CSMD1: variants seen among roughly 807,000 people sequenced by gnomAD.
CSMD1 encodes CUB and Sushi multiple domains 1, also known as CUB and sushi domain-containing protein 1.
Under a neutral mutation model 417.5 loss-of-function variants are expected in CSMD1, and 213 were observed. The ratio of observed to expected loss-of-function variants is 0.51; its 90% CI spans 0.46 to 0.57. CSMD1 has a LOEUF of 0.57. Among genes scored for constraint, CSMD1 ranks in the 20% least tolerant of loss-of-function variants. CSMD1 has a pLI of 0.00. For synonymous variants in CSMD1, 2,862 were observed against 1,736.8 expected (o/e 1.65, Z -16.11); for missense variants, 6,923 against 4,529.7 (o/e 1.53, Z -15.17).
chr8:3,304,922 TAA>T (rs1228630062), intron 25 of CSMD1, among the ~76,000 whole-genome samples: 1 of 152,126 alleles, frequency 6.6e-6, no homozygotes, highest in African/African-American at 2.4e-5. Context: ...TATTTTTATA[TAA>T]AGTCATTCCA....
intron 52 of CSMD1, among the ~76,000 whole-genome samples, chr8:3,016,780 G>T (rs1050131293): frequency 8.5e-5 from 13 of 152,052 alleles, no homozygotes; most frequent in African/African-American, 3.1e-4. Context: ...CTGAGCAAAT[G>T]GACTCATTTC....
chr8:4,922,076 C>G (rs1423008020), intron 1 of CSMD1, among the ~76,000 whole-genome samples: 1 of 152,156 alleles, frequency 6.6e-6, no homozygotes, highest in Non-Finnish European at 1.5e-5. Context: ...CCCAGAGCAC[C>G]TGAGCTTTTG....
At chr8:4,298,662 G>C (rs1196062735) in intron 3 of CSMD1, among the ~76,000 whole-genome samples, 5 of 152,054 alleles carry the variant, frequency 3.3e-5, no homozygotes, top group Non-Finnish European at 4.4e-5. Flanking sequence ...ACAGTTCTAA[G>C]AAGTTATTTC....
chr8:3,634,090 G>A (rs929825047), intron 7 of CSMD1, among the ~76,000 whole-genome samples: 2 of 152,136 alleles, frequency 1.3e-5, no homozygotes, highest in South Asian at 2.1e-4. Context: ...GGAGGGGGCC[G>A]TGCCCTGCCC....
At chr8:4,536,266 A>G (rs921673629) in intron 2 of CSMD1, among the ~76,000 whole-genome samples, 1 of 152,212 alleles carries the variant, frequency 6.6e-6, no homozygotes, top group Admixed American at 6.5e-5. Context: ...ATTTTAAATA[A>G]AATCTACAAA....
rs192173160 is a variant in CSMD1, at chr8:3,989,914, T to A, written c.818+7989A>T. Among the ~76,000 whole-genome samples, 102 of 152,306 alleles carry A rather than the reference T, an allele frequency of 6.7e-4. No individual in the cohort carries two copies. The Middle Eastern group carries it at 0.017, about 25-fold the overall frequency. On this transcript the variant is annotated intron_variant, in intron 5 of 69. Transcript: ENST00000635120. ...CAGTCCTCCATGAAATTGTGCAAAC[T>A]TTCATAAGAAAGAGAAAAATTAGAT...
At chr8:2,957,674 G>C in intron 63 of CSMD1, 22 bp downstream of exon 63, 3 of 1,396,908 alleles carry the variant, frequency 2.1e-6, no homozygotes, top group African/African-American at 1.4e-5. Context: ...CTTGTGATGG[G>C]GGTGGAAGAA....
Position 3,096,844 on chromosome 8 carries a change from C to G in CSMD1, c.7138+5G>C. 2.6e-6 allele frequency: 4 copies of G among 1,538,352 alleles called. No homozygotes were observed. The highest frequency in any genetic ancestry group is 3.5e-6 in the Non-Finnish European group (4 of 1,138,472). The stretch of plus-strand genomic sequence containing the variant: ...CACTGCTCTACAAAGATTAAAGAAA[C>G]TTACCATCAAACACTTCCAGTGCAT... On this transcript the variant is annotated splice_donor_5th_base_variant and intron_variant, in intron 47 of 69. Coordinates refer to ENST00000635120, the MANE Select transcript of CSMD1 (RefSeq NM_033225.6).
In CSMD1 at chr8:2,998,045, G is replaced by A. The variant is rs761057412; in HGVS notation, c.8343C>T (p.Asn2781=). The change falls in exon 54 of 70, where the codon AAC becomes AAT. Residue 2781 remains asparagine, a synonymous_variant. Coordinates refer to ENST00000635120, the MANE Select transcript of CSMD1 (RefSeq NM_033225.6). ...TGGGCAGAGGGCTACTCCACTGGCC[G>A]TTGCTCCGACACTGGGCTCGAGACA... ...QGVSRAQCRS[N]GQWSSPLPTC... 44 of 1,613,832 alleles carry A rather than the reference G, an allele frequency of 2.7e-5. No individual in the cohort carries two copies. Among genetic ancestry groups the A allele is most frequent in the Non-Finnish European group, 3.5e-5 (41 of 1,179,868 alleles).
chr8:3,949,084 A>T (rs186412999), intron 5 of CSMD1, among the ~76,000 whole-genome samples: 2 of 152,360 alleles, frequency 1.3e-5, no homozygotes, highest in Non-Finnish European at 2.9e-5. Flanking sequence ...ATTAATAAAT[A>T]CAAATTATAC....
At chr8:4,909,931 C>A (rs558675262) in intron 1 of CSMD1, among the ~76,000 whole-genome samples, 2 of 152,146 alleles carry the variant, frequency 1.3e-5, no homozygotes, top group Non-Finnish European at 2.9e-5. Context: ...GCCCTTTACA[C>A]GACTAGCTGA....
intron 3 of CSMD1, among the ~76,000 whole-genome samples, chr8:4,064,718 C>A (rs1365279): frequency 6.6e-6 from 1 of 152,026 alleles, no homozygotes; most frequent in African/African-American, 2.4e-5. Context: ...CCCCAGTATC[C>A]GTACTCAACC....
At chr8:4,097,170 T>C (rs984198990) in intron 3 of CSMD1, among the ~76,000 whole-genome samples, 13 of 152,184 alleles carry the variant, frequency 8.5e-5, no homozygotes, top group Non-Finnish European at 5.9e-5. Context: ...CTTACCATTA[T>C]ATATGCTCAA....
chr8:3,265,476 T>G (rs1801368137), intron 26 of CSMD1, among the ~76,000 whole-genome samples: 1 of 152,164 alleles, frequency 6.6e-6, no homozygotes, highest in Non-Finnish European at 1.5e-5. Flanking sequence ...AGAGTGGTGT[T>G]TAACCGCAAC....
chr8:3,020,992 C>G (rs186967248), intron 51 of CSMD1, among the ~76,000 whole-genome samples: 142 of 152,352 alleles, frequency 9.3e-4, no homozygotes, highest in Non-Finnish European at 1.6e-3. Context: ...ACAGGGTGAA[C>G]TTGTCCTTCA....
intron 7 of CSMD1, among the ~76,000 whole-genome samples, chr8:3,707,554 C>T (rs904757810): frequency 3.3e-5 from 5 of 152,138 alleles, no homozygotes; most frequent in South Asian, 2.1e-4. Flanking sequence ...TCTCAGTAGA[C>T]GGTACTCATC....
chr8:4,961,722 C>G (rs899171719), intron 1 of CSMD1, among the ~76,000 whole-genome samples: 1 of 151,946 alleles, frequency 6.6e-6, no homozygotes, highest in Non-Finnish European at 1.5e-5. Context: ...TTTTATTTGG[C>G]TGATATTTTT....
chr8:2,978,374 T>C (rs1805112511), intron 55 of CSMD1, among the ~76,000 whole-genome samples: 1 of 152,270 alleles, frequency 6.6e-6, no homozygotes, highest in African/African-American at 2.4e-5. Context: ...TGGCATCCAA[T>C]AACCTGGGTC....
chr8:4,407,753 A>G (rs919844352), intron 3 of CSMD1, among the ~76,000 whole-genome samples: 7 of 152,210 alleles, frequency 4.6e-5, no homozygotes, highest in African/African-American at 1.7e-4. Flanking sequence ...CATTCCTTTA[A>G]AAACAGTCAA....
Sources: gnomAD v4.1 joint callset for allele counts (sites outside exome capture counted in the v4.1 genomes callset) on GRCh38, gnomAD v4.1.1 for gene constraint, MANE v1.5 for transcripts, NCBI Gene and HGNC (gene_info 2026-07-23, HGNC 2026-07-21) for gene names.